Variants in ATP2B1 observed in about 807,000 individuals in gnomAD.
ATP2B1 encodes plasma membrane calcium-transporting ATPase 1.
ATP2B1 carries 14 observed loss-of-function variants against 124.2 expected under a neutral mutation model. The ratio of observed to expected loss-of-function variants is 0.11; its 90% CI spans 0.07 to 0.18. The LOEUF is 0.18. Among genes scored for constraint, ATP2B1 ranks in the 10% least tolerant of loss-of-function variants. The pLI, the probability that ATP2B1 is intolerant of heterozygous loss-of-function variation, is 1.00. For synonymous variants in ATP2B1, 449 were observed against 492.4 expected (o/e 0.91, Z 1.17); for missense variants, 763 against 1,466.1 (o/e 0.52, Z 7.83).
intron 1 of ATP2B1, among the ~76,000 whole-genome samples, chr12:89,698,406 T>C (rs1301207170): frequency 2.0e-5 from 3 of 152,168 alleles, no homozygotes; most frequent in Non-Finnish European, 4.4e-5. Context: ...TGATTCCATG[T>C]ACATAAAATT....
At chr12:89,688,872 C>T (rs569248938) in intron 1 of ATP2B1, among the ~76,000 whole-genome samples, 1 of 152,048 alleles carries the variant, frequency 6.6e-6, no homozygotes, top group Non-Finnish European at 1.5e-5. Context: ...GTCTCCCAGT[C>T]CAAGTATAAA....
intron 2 of ATP2B1, among the ~76,000 whole-genome samples, chr12:89,655,387 T>C (rs547670838): frequency 6.6e-6 from 1 of 152,324 alleles, no homozygotes; most frequent in African/African-American, 2.4e-5. Flanking sequence ...TTCCATCCTC[T>C]ATAGCTCAAA....
At chr12:89,658,064 T>C (rs1243618260) in intron 1 of ATP2B1, among the ~76,000 whole-genome samples, 3 of 152,196 alleles carry the variant, frequency 2.0e-5, no homozygotes, top group Admixed American at 2.0e-4. Context: ...CTGGAGAGGG[T>C]GGTTATTTGA....
chr12:89,691,794 T>C (rs1399154616), intron 1 of ATP2B1, among the ~76,000 whole-genome samples: 2 of 152,140 alleles, frequency 1.3e-5, no homozygotes, highest in Non-Finnish European at 1.5e-5. Context: ...CACCCCTTTT[T>C]CCATGTTGAG....
chr12:89,601,178 A>G (rs1451150969), intron 19 of ATP2B1, 148 bp downstream of exon 19: 2 of 581,018 alleles, frequency 3.4e-6, no homozygotes, highest in Non-Finnish European at 5.9e-6. Flanking sequence ...CTAATACGAC[A>G]TTAAAAAAAC....
At position 89,590,888 on chromosome 12, in the gene ATP2B1, A is replaced by G; in HGVS notation, c.*96T>C. 1 of 1,212,072 alleles carries G rather than the reference A, an allele frequency of 8.3e-7. No individual in the cohort carries two copies. The highest frequency in any genetic ancestry group is 1.2e-6 in the Non-Finnish European group (1 of 858,890). 75.1% of individuals were successfully genotyped at this position (1,212,072 alleles called of 1,614,324 possible). A position where few individuals can be genotyped will look rare whatever the true frequency, so the allele number is the denominator to read the frequency against. On this transcript the variant is annotated 3_prime_UTR_variant, in exon 21 of 21. Transcript: ENST00000428670. ...GTGTGTCTTCTGTTGAAGTCCAAAG[A>G]CAAGAATACTAGCTTGTCCATCACA...
intron 6 of ATP2B1, among the ~76,000 whole-genome samples, chr12:89,629,484 A>AT (rs1373046578): frequency 6.6e-6 from 1 of 152,164 alleles, no homozygotes; most frequent in Non-Finnish European, 1.5e-5. Context: ...TAGAAAAAAA[A>AT]CCTAGAATGG....
intron 1 of ATP2B1, among the ~76,000 whole-genome samples, chr12:89,707,418 G>C (rs1892597117): frequency 6.6e-6 from 1 of 152,056 alleles, no homozygotes. Flanking sequence ...ATGTTGACAG[G>C]CAGACAAGTT....
intron 1 of ATP2B1, among the ~76,000 whole-genome samples, chr12:89,662,950 A>G (rs913800907): frequency 2.6e-5 from 4 of 152,182 alleles, no homozygotes; most frequent in African/African-American, 7.2e-5. Flanking sequence ...TTGTTCTTCT[A>G]TTATAGCCTT....
intron 15 of ATP2B1, among the ~76,000 whole-genome samples, chr12:89,607,642 C>T (rs1877176346): frequency 6.6e-6 from 1 of 152,170 alleles, no homozygotes; most frequent in Non-Finnish European, 1.5e-5. Flanking sequence ...CCATGAGATT[C>T]AGTCTTTGAT....
chr12:89,655,809 G>T lies in ATP2B1; in HGVS notation c.78C>A (p.Asp26Glu). 6.2e-7 allele frequency: 1 copy of T among 1,614,180 alleles called. No homozygotes were observed. The highest frequency in any genetic ancestry group is 8.5e-7 in the Non-Finnish European group (1 of 1,179,992). ...NSLKEANHDG[D>E]FGITLAELRA... The stretch of plus-strand genomic sequence containing the variant: ...GCAGCTCTGCGAGCGTAATTCCAAA[G>T]TCTCCATCATGATTAGCTTCCTTCA... Residue 26 changes from aspartate (D) to glutamate (E), a missense_variant, in exon 2 of 21, where the codon GAC (aspartate) becomes GAA (glutamate). By Grantham distance (45) the Asp-to-Glu change is conservative. This residue lies in a region of ATP2B1 where 93 missense variants were observed against 112.7 expected (regional missense o/e 0.83). Coordinates refer to ENST00000428670, the MANE Select transcript of ATP2B1 (RefSeq NM_001366521.1).
At chr12:89,687,877 A>T (rs187622180) in intron 1 of ATP2B1, among the ~76,000 whole-genome samples, 33 of 152,232 alleles carry the variant, frequency 2.2e-4, no homozygotes, top group Admixed American at 1.9e-3. Flanking sequence ...TGGACTGTGA[A>T]TTAGGAGGCA....
At chr12:89,709,306 C>A (rs1244947331), upstream of ATP2B1, 1 of 152,388 alleles carries the variant, frequency 6.6e-6, no homozygotes, top group Admixed American at 6.6e-5. Context: ...GCCACAGCCG[C>A]CACCGCCGCC....
chr12:89,620,352 A>G (rs1317744001), intron 10 of ATP2B1, 112 bp from the exon 11 acceptor site: 10 of 1,292,208 alleles, frequency 7.7e-6, no homozygotes, highest in Non-Finnish European at 1.1e-5. Flanking sequence ...CAATTGTCTA[A>G]TATCAACATT....
At chr12:89,702,468 T>C (rs997360240) in intron 1 of ATP2B1, among the ~76,000 whole-genome samples, 1 of 152,218 alleles carries the variant, frequency 6.6e-6, no homozygotes, top group African/African-American at 2.4e-5. Flanking sequence ...GAGTACAAGA[T>C]TATTATTTAA....
chr12:89,675,029 G>T (rs1330849104), intron 1 of ATP2B1, among the ~76,000 whole-genome samples: 1 of 152,118 alleles, frequency 6.6e-6, no homozygotes, highest in Non-Finnish European at 1.5e-5. Flanking sequence ...GCTCTTACAG[G>T]TATTTCAGAA....
intron 3 of ATP2B1, among the ~76,000 whole-genome samples, chr12:89,636,658 G>A (rs139512610): frequency 6.6e-6 from 1 of 152,258 alleles, no homozygotes; most frequent in East Asian, 1.9e-4. Context: ...GTGTGAGGGT[G>A]CTGACTAAAA....
intron 18 of ATP2B1, 86 bp downstream of exon 18, chr12:89,602,957 C>T: frequency 8.4e-7 from 1 of 1,186,266 alleles, no homozygotes; most frequent in South Asian, 1.4e-5. Flanking sequence ...ACACATGTTC[C>T]ACACAAGTGA....
In ATP2B1 at chr12:89,603,937, A is replaced by G. The variant is rs1876351046; in HGVS notation, c.2635-12T>C. ...TTAAGCGGTGAGTCCTAGAAAAGAT[A>G]TGTTTCCTAATAGACATTCACAACT... On this transcript the variant is annotated splice_polypyrimidine_tract_variant and intron_variant, in intron 16 of 20. Transcript: ENST00000428670. The surrounding 1 kb of genome is among the most constrained non-coding windows in gnomAD (Gnocchi z 4.3). 6.2e-7 allele frequency: 1 copy of G among 1,611,438 alleles called. No individual in the cohort carries two copies. Among genetic ancestry groups the G allele is most frequent in the African/African-American group, 1.3e-5 (1 of 74,982 alleles).
Sources: allele counts gnomAD v4.1 joint callset (sites outside exome capture counted in the v4.1 genomes callset), GRCh38; gene constraint gnomAD v4.1.1; regional missense constraint gnomAD v4.1.1; non-coding constraint Gnocchi (gnomAD v3.1); transcripts MANE v1.5; gene names NCBI Gene and HGNC (gene_info 2026-07-23, HGNC 2026-07-21).